CNTN5: variants seen among roughly 807,000 people sequenced by gnomAD.
The protein encoded by CNTN5 is contactin 5.
In CNTN5, 77 loss-of-function variants were observed where a neutral mutation model predicts 129.1. That is an observed-to-expected ratio of 0.60 (90% CI 0.50 to 0.72). CNTN5 has a LOEUF of 0.72. Ranked by LOEUF, CNTN5 falls within the 30% of genes least tolerant of loss-of-function variation. The probability of loss-of-function intolerance (pLI) is 0.00; values close to 1 mark genes in which losing one functional copy is unlikely to be tolerated. For synonymous variants in CNTN5, 509 were observed against 465.6 expected (o/e 1.09, Z -1.20); for missense variants, 1,478 against 1,328.8 (o/e 1.11, Z -1.75).
intron 13 of CNTN5, among the ~76,000 whole-genome samples, chr11:100,177,360 CATAGTA>C (rs1408839506): frequency 6.6e-6 from 1 of 152,084 alleles, no homozygotes; most frequent in East Asian, 1.9e-4. Context: ...GATTACACTA[CATAGTA>C]ATTGCGTGTT....
At chr11:99,558,720 A>G (rs1220080683) in intron 3 of CNTN5, among the ~76,000 whole-genome samples, 2 of 152,096 alleles carry the variant, frequency 1.3e-5, no homozygotes, top group African/African-American at 4.8e-5. Flanking sequence ...TAAAGGAAAC[A>G]TTGGAAGACA....
intron 3 of CNTN5, among the ~76,000 whole-genome samples, chr11:99,728,967 G>T (rs1001658059): frequency 6.6e-6 from 1 of 152,122 alleles, no homozygotes; most frequent in South Asian, 2.1e-4. Flanking sequence ...ATGAGCATAG[G>T]TTCTTGAGCC....
chr11:99,612,083 G>A (rs1950607875), intron 3 of CNTN5, among the ~76,000 whole-genome samples: 1 of 152,142 alleles, frequency 6.6e-6, no homozygotes, highest in Admixed American at 6.6e-5. Context: ...ATATGTAGGA[G>A]GCACTTGCAA....
intron 1 of CNTN5, among the ~76,000 whole-genome samples, chr11:99,232,148 A>G (rs1861033826): frequency 6.6e-6 from 1 of 152,172 alleles, no homozygotes; most frequent in Admixed American, 6.5e-5. Flanking sequence ...TGTTGGTTCC[A>G]TATGAATTTT....
At chr11:99,516,914 T>A (rs904364465) in intron 2 of CNTN5, among the ~76,000 whole-genome samples, 4 of 152,082 alleles carry the variant, frequency 2.6e-5, no homozygotes, top group Admixed American at 2.0e-4. Flanking sequence ...AGTGAAATAA[T>A]TAGCAGTTTA....
chr11:99,551,448 G>A (rs1040010548), intron 2 of CNTN5, among the ~76,000 whole-genome samples: 1 of 152,034 alleles, frequency 6.6e-6, no homozygotes. Context: ...TATTAACTGG[G>A]GCAAATTAGC....
In CNTN5 at chr11:99,819,609, T is replaced by A. The variant is rs1159554051; in HGVS notation, c.121T>A (p.Ser41Thr). 2 of 1,612,892 alleles carry A rather than the reference T, an allele frequency of 1.2e-6. No homozygotes were observed. Among genetic ancestry groups the A allele is most frequent in the African/African-American group, 2.7e-5 (2 of 74,964 alleles). Residue 41 changes from serine (S) to threonine (T), a missense_variant, in exon 4 of 25, where the codon TCA (serine) becomes ACA (threonine). Coordinates refer to ENST00000524871, the MANE Select transcript of CNTN5 (RefSeq NM_014361.4). ...YAALLRIKKS[S>T]SSSLFGSKTR... ...TGCTTTGTTAAGAATTAAGAAGAGT[T>A]CATCTTCATCTCTCTTTGGTTCCAA...
At chr11:99,525,524 A>G (rs10893459) in intron 2 of CNTN5, among the ~76,000 whole-genome samples, 41,661 of 152,112 alleles carry the variant, frequency 0.27, 6,097 homozygotes, top group East Asian at 0.35. Flanking sequence ...GATTCACTTC[A>G]AGTTAGGATG....
intron 3 of CNTN5, among the ~76,000 whole-genome samples, chr11:99,628,647 CACACAGAA>C (rs1206725977): frequency 2.7e-5 from 4 of 150,728 alleles, no homozygotes; most frequent in Non-Finnish European, 5.9e-5. Flanking sequence ...CACACACACA[CACACAGAA>C]AGAGATAAAT....
chr11:100,321,424 A>C (rs1440906694), intron 21 of CNTN5, among the ~76,000 whole-genome samples: 1 of 151,584 alleles, frequency 6.6e-6, no homozygotes, highest in Admixed American at 6.6e-5. Context: ...ATTTTCATGA[A>C]TTTGCTTATC....
chr11:99,168,862 G>A (rs1424129302), intron 1 of CNTN5, among the ~76,000 whole-genome samples: 2 of 152,214 alleles, frequency 1.3e-5, no homozygotes, highest in African/African-American at 2.4e-5. Flanking sequence ...TGGGAACATA[G>A]CACTGAATTC....
chr11:100,335,017 T>A (rs1483022500), intron 21 of CNTN5, among the ~76,000 whole-genome samples: 1 of 151,778 alleles, frequency 6.6e-6, no homozygotes, highest in East Asian at 1.9e-4. Flanking sequence ...AGATGATGTG[T>A]TGTTGTACAT....
chr11:99,041,252 A>T (rs1565270012), intron 1 of CNTN5, among the ~76,000 whole-genome samples: 6 of 152,058 alleles, frequency 3.9e-5, no homozygotes. Context: ...TTGTTCAATC[A>T]TTTATTCTCT....
chr11:99,951,676 C>A (rs1412802032), intron 7 of CNTN5, among the ~76,000 whole-genome samples: 1 of 151,984 alleles, frequency 6.6e-6, no homozygotes, highest in Non-Finnish European at 1.5e-5. Flanking sequence ...TAAAAATGAT[C>A]TTTTTCTCTT....
chr11:99,031,464 T>G (rs1863368520), intron 1 of CNTN5, among the ~76,000 whole-genome samples: 1 of 152,100 alleles, frequency 6.6e-6, no homozygotes, highest in Admixed American at 6.6e-5. Context: ...TAAGAATATT[T>G]TCTTTCAAAA....
rs754838713 is a variant in CNTN5 at position 100,110,936 on chromosome 11, G to A, written c.1580+36642G>A. 2.8e-4 allele frequency among the ~76,000 whole-genome samples: 43 copies of A among 151,814 alleles called. 1 individual carries two copies. Among genetic ancestry groups the A allele is most frequent in the South Asian group, 4.2e-4 (2 of 4,816 alleles). On this transcript the variant is annotated intron_variant, in intron 13 of 24. Coordinates refer to ENST00000524871, the MANE Select transcript of CNTN5 (RefSeq NM_014361.4). The stretch of plus-strand genomic sequence containing the variant: ...TATACTCCTGATAGTGCAGTCCATT[G>A]AGTATTGAATTAAAGAGATTTCAAG...
At chr11:99,871,895 A>G (rs1407033380) in intron 6 of CNTN5, among the ~76,000 whole-genome samples, 3 of 151,660 alleles carry the variant, frequency 2.0e-5, no homozygotes, top group Non-Finnish European at 4.4e-5. Context: ...CATGATGCAT[A>G]TTGGCTATAT....
chr11:100,294,355 A>C (rs1951060004), intron 18 of CNTN5, among the ~76,000 whole-genome samples: 1 of 151,790 alleles, frequency 6.6e-6, no homozygotes, highest in South Asian at 2.1e-4. Flanking sequence ...TGTGTTTACA[A>C]GAATGCTTTC....
At chr11:100,240,223 C>T (rs942045309) in intron 16 of CNTN5, among the ~76,000 whole-genome samples, 6 of 151,704 alleles carry the variant, frequency 4.0e-5, no homozygotes, top group East Asian at 1.9e-4. Context: ...ATCAACACCC[C>T]GCCCCACACC....
Sources: gnomAD v4.1 joint callset for allele counts (sites outside exome capture counted in the v4.1 genomes callset) on GRCh38, gnomAD v4.1.1 for gene constraint, MANE v1.5 for transcripts, NCBI Gene and HGNC (gene_info 2026-07-23, HGNC 2026-07-21) for gene names.